AGPAT4: variants seen among roughly 807,000 people sequenced by gnomAD.
The protein encoded by AGPAT4 is 1-acylglycerol-3-phosphate O-acyltransferase 4, also known as 1-acyl-sn-glycerol-3-phosphate acyltransferase delta.
AGPAT4 carries 15 observed loss-of-function variants against 48.0 expected under a neutral mutation model. The observed-to-expected ratio is 0.31, with a 90% CI of 0.21 to 0.48. AGPAT4 has a LOEUF of 0.48. Ranked by LOEUF, AGPAT4 falls within the 20% of genes least tolerant of loss-of-function variation. The pLI is 0.99. For missense variants in AGPAT4, 314 were observed against 482.5 expected, an observed-to-expected ratio of 0.65 and a Z score of 3.27; for synonymous variants, 178 against 198.7, an observed-to-expected ratio of 0.90 and a Z score of 0.88.
chr6:161,150,529 G>A (rs1779558220), intron 5 of AGPAT4, among the ~76,000 whole-genome samples: 1 of 152,240 alleles, frequency 6.6e-6, no homozygotes, highest in African/African-American at 2.4e-5. Context: ...TTGGGAATAT[G>A]TGGAACCAAG....
At position 161,238,062 on chromosome 6, in the gene AGPAT4, G is replaced by T. The variant is rs1782348201; in HGVS notation, c.-89-5760C>A. On this transcript the variant is annotated intron_variant, in intron 1 of 8. Coordinates refer to ENST00000320285, the MANE Select transcript of AGPAT4 (RefSeq NM_020133.3). The surrounding 1 kb of genome is among the most constrained non-coding windows in gnomAD (Gnocchi z 5.2). ...AAGCACTGCTGTGTGTTGGGGGGCT[G>T]GGGGTGGGGGGGTAATGGGGGGGTT... Among the ~76,000 whole-genome samples, 1 of 150,124 alleles carries T rather than the reference G, an allele frequency of 6.7e-6. No individual in the cohort carries two copies. Among genetic ancestry groups the T allele is most frequent in the Non-Finnish European group, 1.5e-5 (1 of 67,288 alleles).
intron 2 of AGPAT4, among the ~76,000 whole-genome samples, chr6:161,213,637 A>G (rs1405367154): frequency 6.6e-6 from 1 of 152,162 alleles, no homozygotes; most frequent in Non-Finnish European, 1.5e-5. Flanking sequence ...ACAACAATCT[A>G]TTTACATACA....
Position 161,143,869 on chromosome 6 carries a change from G to GCCATTCCCCTC in AGPAT4, c.843+2644_843+2654dup. The stretch of plus-strand genomic sequence containing the variant: ...GTTGGCACACCTCTGTTGGCTGCCT[G>GCCATTCCCCTC]CCATTCCCCTCCCATTTTGCAGAAA... On this transcript the variant is annotated intron_variant, in intron 7 of 8. Coordinates refer to ENST00000320285, the MANE Select transcript of AGPAT4 (RefSeq NM_020133.3). The surrounding 1 kb of genome is among the most constrained non-coding windows in gnomAD (Gnocchi z 4.7). 3.3e-6 allele frequency: 1 copy of GCCATTCCCCTC among 302,872 alleles called. No individual in the cohort carries two copies. The highest frequency in any genetic ancestry group is 6.5e-6 in the Non-Finnish European group (1 of 153,852). 18.8% of individuals were successfully genotyped at this position (302,872 alleles called of 1,614,324 possible).
intron 2 of AGPAT4, among the ~76,000 whole-genome samples, chr6:161,192,068 T>C (rs1780939310): frequency 6.7e-6 from 1 of 148,592 alleles, no homozygotes; most frequent in Non-Finnish European, 1.5e-5. Flanking sequence ...GTTTCCATGG[T>C]GCCTTTCTTC....
Position 161,271,468 on chromosome 6 carries a change from C to G in AGPAT4, c.-90+2470G>C, listed in dbSNP as rs3798958. Among the ~76,000 whole-genome samples, 1,274 of 152,348 alleles carry G rather than the reference C, an allele frequency of 8.4e-3. 17 individuals carry two copies. Among genetic ancestry groups the G allele is most frequent in the East Asian group, 0.03 (157 of 5,182 alleles). ...GAGCACAGACTACAACTGCTGCCTTCTTCACCAACTTCACAGCAGAGCCTT... is the reference window on the plus strand; with the variant it reads ...GAGCACAGACTACAACTGCTGCCTTGTTCACCAACTTCACAGCAGAGCCTT... On this transcript the variant is annotated intron_variant, in intron 1 of 8. Coordinates refer to ENST00000320285, the MANE Select transcript of AGPAT4 (RefSeq NM_020133.3).
Position 161,170,786 on chromosome 6 carries a change from C to A in AGPAT4, c.179-4369G>T, listed in dbSNP as rs115071089. On this transcript the variant is annotated intron_variant, in intron 2 of 8. Transcript: ENST00000320285. The stretch of plus-strand genomic sequence containing the variant: ...GGATGTCTGTCATTCAAATTAGATG[C>A]CTCTTTTTACCATCATGCATCAAAT... Among the ~76,000 whole-genome samples the A allele has an allele frequency of 9.8e-3, 1,500 of 152,286 alleles. 28 individuals are homozygous for A. The highest frequency in any genetic ancestry group is 0.034 in the African/African-American group (1,426 of 41,540).
chr6:161,169,370 G>A lies in AGPAT4; in HGVS notation c.179-2953C>T, dbSNP rs1011459584. On this transcript the variant is annotated intron_variant, in intron 2 of 8. Transcript: ENST00000320285. The surrounding 1 kb of genome is among the most constrained non-coding windows in gnomAD (Gnocchi z 5.0). ...GGGGATGGTGCTGGGACCAGGTGGGGGAAGACCAAATTTCCCACTCACCTC... is the reference window on the plus strand; with the variant it reads ...GGGGATGGTGCTGGGACCAGGTGGGAGAAGACCAAATTTCCCACTCACCTC... 1.3e-5 allele frequency among the ~76,000 whole-genome samples: 2 copies of A among 152,162 alleles called. No individual in the cohort carries two copies. Among genetic ancestry groups the A allele is most frequent in the African/African-American group, 4.8e-5 (2 of 41,430 alleles).
rs890016676 is a variant in AGPAT4, at chr6:161,155,780, C to T, written c.349-1470G>A. ...CACTGGTGCGGGTGTGAGGGCTTAC[C>T]GTGTGCTGTGCCCATGGTATTTTTT... On this transcript the variant is annotated intron_variant, in intron 3 of 8. Transcript: ENST00000320285. This position sits in a 1 kb window ranked among gnomAD's most constrained non-coding sequence, Gnocchi z 5.8. Among the ~76,000 whole-genome samples, 1 of 152,206 alleles carries T rather than the reference C, an allele frequency of 6.6e-6. No homozygotes were observed. The highest frequency in any genetic ancestry group is 2.4e-5 in the African/African-American group (1 of 41,448).
At position 161,135,334 on chromosome 6, in the gene AGPAT4, A is replaced by T. The variant is rs985697036; in HGVS notation, c.*1206T>A. The T allele has an allele frequency of 6.6e-6, 1 of 152,266 alleles. No individual in the cohort carries two copies. The highest frequency in any genetic ancestry group is 2.4e-5 in the African/African-American group (1 of 41,466). The allele number at this position is 152,266 out of a possible 1,614,324, so 9.4% of individuals were successfully genotyped here. On this transcript the variant is annotated 3_prime_UTR_variant, in exon 9 of 9. Coordinates refer to ENST00000320285, the MANE Select transcript of AGPAT4 (RefSeq NM_020133.3). ...CTTGGCCTAAGATGATTTAATAGCT[A>T]GCATTTGTTCTGCAAAAATAGCACT...
At chr6:161,190,584 AG>A (rs71542996) in intron 2 of AGPAT4, among the ~76,000 whole-genome samples, 3,968 of 121,116 alleles carry the variant, frequency 0.033, 171 homozygotes, top group African/African-American at 0.11. Flanking sequence ...GAAGAAACCA[AG>A]GGAAAAAAAA....
rs1779527711 is a variant in AGPAT4 at position 161,149,486 on chromosome 6, C to T, written c.665-197G>A. 6.6e-6 allele frequency among the ~76,000 whole-genome samples: 1 copy of T among 152,150 alleles called. No homozygotes were observed. Among genetic ancestry groups the T allele is most frequent in the African/African-American group, 2.4e-5 (1 of 41,432 alleles). ...TATCTTTTGTAATCATAAAATCCCA[C>T]TAGAACTTAGTAATAGAAAACAGGG... is the stretch of plus-strand genomic sequence containing the variant. On this transcript the variant is annotated intron_variant, in intron 5 of 8. Transcript: ENST00000320285. The surrounding 1 kb of genome is among the most constrained non-coding windows in gnomAD (Gnocchi z 6.5).
At position 161,216,621 on chromosome 6, in the gene AGPAT4, G is replaced by C. The variant is rs1265466012; in HGVS notation, c.178+15415C>G. On this transcript the variant is annotated intron_variant, in intron 2 of 8. Transcript: ENST00000320285. The surrounding 1 kb of genome is among the most constrained non-coding windows in gnomAD (Gnocchi z 4.8). ...CTGCTGCTGAAGACATGCCCGAAAC[G>C]AAACCAAAAAAGGTTTAAAAGGTTT... Among the ~76,000 whole-genome samples the C allele has an allele frequency of 6.6e-6, 1 of 152,082 alleles. No individual in the cohort carries two copies. The highest frequency in any genetic ancestry group is 2.4e-5 in the African/African-American group (1 of 41,410).
intron 2 of AGPAT4, among the ~76,000 whole-genome samples, chr6:161,168,370 G>A (rs532288426): frequency 9.9e-5 from 15 of 152,122 alleles, no homozygotes; most frequent in South Asian, 2.1e-4. Flanking sequence ...CTCACATTTC[G>A]TTTGTGTCAC....
In AGPAT4 at chr6:161,132,314, A is replaced by T. The variant is rs1778927086; in HGVS notation, c.*4226T>A. The T allele has an allele frequency of 6.6e-6, 1 of 152,254 alleles. No individual in the cohort carries two copies. The highest frequency in any genetic ancestry group is 1.5e-5 in the Non-Finnish European group (1 of 68,060). The allele number at this position is 152,254 out of a possible 1,614,324, so 9.4% of individuals were successfully genotyped here. The stretch of plus-strand genomic sequence containing the variant: ...CCACACAGCCACCATATCCTTATAT[A>T]GATGGGGAAAAATCCAGAAAAGGGG... On this transcript the variant is annotated 3_prime_UTR_variant, in exon 9 of 9. Transcript: ENST00000320285.
chr6:161,258,852 C>T (rs1000358441), intron 1 of AGPAT4, among the ~76,000 whole-genome samples: 4 of 150,942 alleles, frequency 2.7e-5, no homozygotes, highest in African/African-American at 7.4e-5. Flanking sequence ...GCTGGAAGTG[C>T]AGTGGCACAA....
rs532662681 is a variant in AGPAT4 at position 161,236,741 on chromosome 6, A to AAG, written c.-89-4440_-89-4439insCT. ...GAAACCCCATCTCCACTAAAAATAC[A>AAG]AAAAAAAAAAAATAGCTGGATGTGG... is the stretch of plus-strand genomic sequence containing the variant. On this transcript the variant is annotated intron_variant, in intron 1 of 8. Coordinates refer to ENST00000320285, the MANE Select transcript of AGPAT4 (RefSeq NM_020133.3). This position sits in a 1 kb window ranked among gnomAD's most constrained non-coding sequence, Gnocchi z 5.0. Among the ~76,000 whole-genome samples the AAG allele has an allele frequency of 3.8e-3, 354 of 93,288 alleles. No individual in the cohort carries two copies. Among genetic ancestry groups the AAG allele is most frequent in the African/African-American group, 0.011 (322 of 28,382 alleles). The allele number at this position is 93,288 out of a possible 152,430, so 61.2% of individuals were successfully genotyped here.
chr6:161,136,309 A>G lies in AGPAT4; in HGVS notation c.*231T>C. 1.9e-6 allele frequency: 1 copy of G among 536,294 alleles called. No individual in the cohort carries two copies. The allele number at this position is 536,294 out of a possible 1,614,324, so 33.2% of individuals were successfully genotyped here. On this transcript the variant is annotated 3_prime_UTR_variant, in exon 9 of 9. Transcript: ENST00000320285. ...TCACCACACAGCCATTCTCACACAC[A>G]CTCGCACAAAAAGAAAACCAAAGCC...
chr6:161,151,263 A>G (rs1779585712), intron 5 of AGPAT4, among the ~76,000 whole-genome samples: 2 of 152,228 alleles, frequency 1.3e-5, no homozygotes, highest in Admixed American at 1.3e-4. Context: ...AAAAAGAAAA[A>G]GCAATCTGCC....
At chr6:161,183,146 G>A (rs762128420) in intron 2 of AGPAT4, among the ~76,000 whole-genome samples, 7 of 152,150 alleles carry the variant, frequency 4.6e-5, no homozygotes, top group Non-Finnish European at 1.5e-5. Context: ...AGACCATGAA[G>A]CCACAACACC....
Sources: allele counts gnomAD v4.1 joint callset (sites outside exome capture counted in the v4.1 genomes callset), GRCh38; gene constraint gnomAD v4.1.1; non-coding constraint Gnocchi (gnomAD v3.1); transcripts MANE v1.5; gene names NCBI Gene and HGNC (gene_info 2026-07-23, HGNC 2026-07-21).